SLC13A1: variants seen among roughly 807,000 people sequenced by gnomAD.
The protein encoded by SLC13A1 is Na(+)/sulfate cotransporter.
A neutral mutation model predicts 70.0 loss-of-function variants in SLC13A1; 65 were observed. The observed-to-expected ratio is 0.93, with a 90% CI of 0.76 to 1.14. SLC13A1 has a LOEUF of 1.14. Among genes scored for constraint, SLC13A1 ranks in the 50% most tolerant of loss-of-function variants. SLC13A1 has a pLI of 0.00. For missense variants in SLC13A1, 726 were observed against 717.8 expected (o/e 1.01, Z -0.13); for synonymous variants, 275 against 250.5 (o/e 1.10, Z -0.92).
intron 8 of SLC13A1, among the ~76,000 whole-genome samples, chr7:123,134,129 G>A (rs765444851): frequency 3.4e-4 from 52 of 152,160 alleles, no homozygotes; most frequent in Non-Finnish European, 4.3e-4. Flanking sequence ...GATTGCGCAA[G>A]CAATCCTCCC....
chr7:123,174,380 T>A (rs1399176945), intron 2 of SLC13A1, among the ~76,000 whole-genome samples: 3 of 152,084 alleles, frequency 2.0e-5, no homozygotes, highest in Admixed American at 2.0e-4. Context: ...AAACACATTC[T>A]CCCTTTGTAG....
At chr7:123,142,879 A>G (rs886624419) in intron 7 of SLC13A1, among the ~76,000 whole-genome samples, 2 of 151,984 alleles carry the variant, frequency 1.3e-5, no homozygotes, top group Non-Finnish European at 2.9e-5. Context: ...GGCCTCCCAA[A>G]GTGCTGGGAT....
chr7:123,123,459 T>C (rs1394953832), intron 11 of SLC13A1, among the ~76,000 whole-genome samples: 2 of 152,158 alleles, frequency 1.3e-5, no homozygotes, highest in Admixed American at 6.5e-5. Flanking sequence ...CTTTGGGTAA[T>C]ATTATAGAAT....
At chr7:123,157,802 T>C (rs1794761825) in intron 6 of SLC13A1, among the ~76,000 whole-genome samples, 1 of 152,136 alleles carries the variant, frequency 6.6e-6, no homozygotes, top group African/African-American at 2.4e-5. Flanking sequence ...TTTCAGTGTA[T>C]CATGTTGCAA....
chr7:123,137,312 G>A (rs1793985581), intron 7 of SLC13A1, among the ~76,000 whole-genome samples: 1 of 152,170 alleles, frequency 6.6e-6, no homozygotes. Context: ...CTGTGAATAT[G>A]ATGAGATATC....
At position 123,115,530 on chromosome 7, in the gene SLC13A1, C is replaced by G. The variant is rs763102516; in HGVS notation, c.1776G>C (p.Glu592Asp). ...AATTTTGTGCTTATTATGGCATGGT[C>G]TCATTACTCATAGCAGGAGCCCACG... The part of the protein sequence containing the change: ...YPSWAPAMSN[E>D]TMP Residue 592 changes from glutamate (E) to aspartate (D), a missense_variant, in exon 15 of 15, where the codon GAG (glutamate) becomes GAC (aspartate). Coordinates refer to ENST00000194130, the MANE Select transcript of SLC13A1 (RefSeq NM_022444.4). The G allele has an allele frequency of 1.2e-6, 2 of 1,611,946 alleles. No individual in the cohort carries two copies. The highest frequency in any genetic ancestry group is 2.7e-5 in the African/African-American group (2 of 74,874).
chr7:123,182,492 G>A (rs79753667), intron 1 of SLC13A1, among the ~76,000 whole-genome samples: 1,860 of 152,032 alleles, frequency 0.012, 41 homozygotes, highest in African/African-American at 0.043. Context: ...TCCACTGCAG[G>A]CAAGACTATT....
At chr7:123,118,702 A>T (rs189617526) in intron 13 of SLC13A1, among the ~76,000 whole-genome samples, 2 of 152,250 alleles carry the variant, frequency 1.3e-5, no homozygotes, top group African/African-American at 4.8e-5. Context: ...TCAGAAATTT[A>T]GGAACAATGT....
At chr7:123,128,052 A>G (rs1297696467) in intron 10 of SLC13A1, among the ~76,000 whole-genome samples, 1 of 151,910 alleles carries the variant, frequency 6.6e-6, no homozygotes, top group African/African-American at 2.4e-5. Context: ...CAACTCAGCA[A>G]TTGATTACTG....
chr7:123,158,949 C>G lies in SLC13A1; in HGVS notation c.660+9425G>C, dbSNP rs140189678. Reference sequence around the variant, plus strand: ...AAAAGATATATTCAAGAAGAAGGACCATGACCCCAGATAGGGGGTCTGAGA... The same window carrying G: ...AAAAGATATATTCAAGAAGAAGGACGATGACCCCAGATAGGGGGTCTGAGA... On this transcript the variant is annotated intron_variant, in intron 6 of 14. Transcript: ENST00000194130. 4.0e-3 allele frequency among the ~76,000 whole-genome samples: 606 copies of G among 152,058 alleles called. 1 individual carries two copies. The highest frequency in any genetic ancestry group is 6.7e-3 in the Non-Finnish European group (457 of 67,954).
At chr7:123,134,631 T>G in intron 7 of SLC13A1, 102 bp from the exon 8 acceptor site, 1 of 1,152,922 alleles carries the variant, frequency 8.7e-7, no homozygotes, top group Non-Finnish European at 1.2e-6. Context: ...TGTGTTTCTG[T>G]CCAAGAAGGA....
chr7:123,119,036 A>C (rs763431960), intron 13 of SLC13A1, 45 bp downstream of exon 13: 1 of 1,538,306 alleles, frequency 6.5e-7, no homozygotes, highest in South Asian at 1.2e-5. Flanking sequence ...GAAGCAGAGT[A>C]CTGCTCTTAA....
At chr7:123,177,656 T>C (rs1488430208) in intron 2 of SLC13A1, among the ~76,000 whole-genome samples, 2 of 152,116 alleles carry the variant, frequency 1.3e-5, no homozygotes, top group African/African-American at 2.4e-5. Flanking sequence ...TCTTCTGCAA[T>C]AGTCATGCTC....
chr7:123,187,930 G>T (rs182533287), intron 1 of SLC13A1, among the ~76,000 whole-genome samples: 3 of 152,180 alleles, frequency 2.0e-5, no homozygotes, highest in African/African-American at 7.2e-5. Flanking sequence ...GATTTTCTTA[G>T]CTGGTGGAGA....
intron 6 of SLC13A1, among the ~76,000 whole-genome samples, chr7:123,166,322 A>G (rs546800329): frequency 6.6e-6 from 1 of 152,164 alleles, no homozygotes; most frequent in Non-Finnish European, 1.5e-5. Context: ...ACCACAAGAA[A>G]TTTACTGAAT....
intron 6 of SLC13A1, among the ~76,000 whole-genome samples, chr7:123,158,993 A>G (rs971216850): frequency 9.9e-5 from 15 of 152,100 alleles, no homozygotes; most frequent in African/African-American, 3.4e-4. Context: ...ACAATGGTGA[A>G]CAAAGATATT....
chr7:123,150,226 TC>T (rs1357085059), intron 6 of SLC13A1, among the ~76,000 whole-genome samples: 1 of 152,132 alleles, frequency 6.6e-6, no homozygotes, highest in Non-Finnish European at 1.5e-5. Flanking sequence ...TCCTTCTCAG[TC>T]TTTACAAGTA....
chr7:123,166,922 A>C (rs984984923), intron 6 of SLC13A1, among the ~76,000 whole-genome samples: 3 of 152,216 alleles, frequency 2.0e-5, no homozygotes, highest in Non-Finnish European at 4.4e-5. Flanking sequence ...ACATTTCTGC[A>C]TCCAAAAGGC....
At chr7:123,152,369 G>A (rs911741806) in intron 6 of SLC13A1, among the ~76,000 whole-genome samples, 2 of 152,074 alleles carry the variant, frequency 1.3e-5, no homozygotes, top group African/African-American at 4.8e-5. Flanking sequence ...ATATCCAGAA[G>A]TGAGTTTGCT....
Sources: gnomAD v4.1 joint callset for allele counts (sites outside exome capture counted in the v4.1 genomes callset) on GRCh38, gnomAD v4.1.1 for gene constraint, MANE v1.5 for transcripts, NCBI Gene and HGNC (gene_info 2026-07-23, HGNC 2026-07-21) for gene names.